Variants in ADAM12 observed in about 807,000 individuals in gnomAD.
ADAM12 encodes the protein ADAM metallopeptidase domain 12.
A neutral mutation model predicts 106.4 loss-of-function variants in ADAM12; 70 were observed. That is an observed-to-expected ratio of 0.66 (90% CI 0.54 to 0.80). The LOEUF (loss-of-function observed/expected upper bound fraction) is 0.80. Ranked by LOEUF, ADAM12 falls within the 30% of genes least tolerant of loss-of-function variation. The probability of loss-of-function intolerance (pLI) is 0.00; values close to 1 mark genes in which losing one functional copy is unlikely to be tolerated. For synonymous variants in ADAM12, 420 were observed against 433.5 expected (o/e 0.97, Z 0.39); for missense variants, 1,010 against 1,171.9 (o/e 0.86, Z 2.02).
chr10:126,377,642 G>A (rs1856341576), intron 1 of ADAM12, among the ~76,000 whole-genome samples: 1 of 152,100 alleles, frequency 6.6e-6, no homozygotes, highest in African/African-American at 2.4e-5. Flanking sequence ...ATCCAATCAA[G>A]CTTAACCATC....
At chr10:126,139,311 A>G (rs1035095663) in intron 4 of ADAM12, among the ~76,000 whole-genome samples, 4 of 151,794 alleles carry the variant, frequency 2.6e-5, no homozygotes, top group African/African-American at 9.7e-5. Flanking sequence ...AAGCTTATGT[A>G]TAGGTATTGT....
chr10:126,161,542 CG>C (rs1324832646), intron 3 of ADAM12, among the ~76,000 whole-genome samples: 1 of 152,188 alleles, frequency 6.6e-6, no homozygotes, highest in African/African-American at 2.4e-5. Context: ...CAGATGAATA[CG>C]TGAAAGAATA....
At chr10:126,194,221 T>A (rs2133808622) in intron 3 of ADAM12, among the ~76,000 whole-genome samples, 1 of 142,256 alleles carries the variant, frequency 7.0e-6, no homozygotes, top group East Asian at 2.1e-4. Context: ...CAACTAAATA[T>A]CCTCGGTGCT....
At chr10:126,205,111 G>A (rs968780754) in intron 3 of ADAM12, among the ~76,000 whole-genome samples, 1 of 152,106 alleles carries the variant, frequency 6.6e-6, no homozygotes, top group Non-Finnish European at 1.5e-5. Context: ...ATCTGTGGAT[G>A]CCAATGGCTT....
At chr10:126,350,985 A>G (rs1163669995) in intron 1 of ADAM12, among the ~76,000 whole-genome samples, 1 of 152,066 alleles carries the variant, frequency 6.6e-6, no homozygotes, top group African/African-American at 2.4e-5. Context: ...CTGGTCTTCC[A>G]TCAGTCTGGG....
chr10:126,383,880 A>G (rs1856569436), intron 1 of ADAM12, among the ~76,000 whole-genome samples: 1 of 152,228 alleles, frequency 6.6e-6, no homozygotes, highest in Non-Finnish European at 1.5e-5. Context: ...CAATGTACAT[A>G]GTTAAAAATA....
At position 126,094,109 on chromosome 10, in the gene ADAM12, C is replaced by T; in HGVS notation, c.1021G>A (p.Ala341Thr). ...VMDHSDNPLGAAVTLAHELGH... is the reference protein window; with the variant it reads ...VMDHSDNPLGTAVTLAHELGH... ...AGCTCATGTGCCAGGGTCACGGCTG[C>T]ACCAAGGGGATTGTCTGAATGGTCC... is the stretch of plus-strand genomic sequence containing the variant. The change falls in exon 11 of 23, where the codon GCA (alanine) becomes ACA (threonine). Residue 341 changes from alanine (A) to threonine (T), a missense_variant. By Grantham distance (58) the Ala-to-Thr change is moderately conservative (BLOSUM62 0). Coordinates refer to ENST00000448723, the MANE Select transcript of ADAM12 (RefSeq NM_001288973.2). The T allele has an allele frequency of 6.2e-7, 1 of 1,614,114 alleles. No homozygotes were observed. The highest frequency in any genetic ancestry group is 8.5e-7 in the Non-Finnish European group (1 of 1,180,006).
chr10:126,178,480 C>T (rs1045875150), intron 3 of ADAM12, among the ~76,000 whole-genome samples: 2 of 133,136 alleles, frequency 1.5e-5, no homozygotes, highest in African/African-American at 5.7e-5. Flanking sequence ...TGAAACATTA[C>T]ACAAATTGTC....
chr10:126,116,211 C>A lies in ADAM12; in HGVS notation c.603+1827G>T, dbSNP rs1590434708. 3.3e-5 allele frequency among the ~76,000 whole-genome samples: 5 copies of A among 152,270 alleles called. No homozygotes were observed. The South Asian group carries it at 1.0e-3, about 32-fold the overall frequency. ...AAGTGTGTACTTCTATATGAAACGA[C>A]AAACATATTTGAGTGTCATTTAAGC... On this transcript the variant is annotated intron_variant, in intron 6 of 22. Transcript: ENST00000448723.
chr10:126,249,880 G>C (rs1165740416), intron 3 of ADAM12, among the ~76,000 whole-genome samples: 1 of 152,030 alleles, frequency 6.6e-6, no homozygotes, highest in East Asian at 1.9e-4. Flanking sequence ...GCTCATTATT[G>C]GAGCACACAC....
At chr10:126,385,740 G>C (rs1490407997) in intron 1 of ADAM12, among the ~76,000 whole-genome samples, 2 of 151,968 alleles carry the variant, frequency 1.3e-5, no homozygotes, top group Admixed American at 6.6e-5. Context: ...GGTGAGCAAA[G>C]GGAGAATGGT....
chr10:126,063,397 C>T (rs887598870), intron 14 of ADAM12, among the ~76,000 whole-genome samples: 18 of 152,208 alleles, frequency 1.2e-4, no homozygotes, highest in African/African-American at 3.9e-4. Flanking sequence ...CATGCCTGGG[C>T]GTGGCTTTTA....
At chr10:126,204,628 T>C (rs28544437) in intron 3 of ADAM12, among the ~76,000 whole-genome samples, 3,698 of 152,288 alleles carry the variant, frequency 0.024, 218 homozygotes, top group East Asian at 0.19. Context: ...CAAATGAAAA[T>C]GTGGCACCTT....
chr10:126,131,759 T>G (rs1956308809), intron 5 of ADAM12, among the ~76,000 whole-genome samples: 2 of 152,240 alleles, frequency 1.3e-5, no homozygotes, highest in African/African-American at 4.8e-5. Flanking sequence ...AATAAAATTC[T>G]ATGGTTTAAG....
At chr10:126,113,747 C>G (rs1385533471) in intron 6 of ADAM12, among the ~76,000 whole-genome samples, 1 of 104,310 alleles carries the variant, frequency 9.6e-6, no homozygotes, top group Admixed American at 1.3e-4. Context: ...ATTGCTCTGG[C>G]TACTGGAAGG....
rs1181903913 is a variant in ADAM12, at chr10:126,046,094, A to C, written c.1956T>G (p.Phe652Leu). The C allele has an allele frequency of 6.2e-7, 1 of 1,614,218 alleles. No homozygotes were observed. Among genetic ancestry groups the C allele is most frequent in the Non-Finnish European group, 8.5e-7 (1 of 1,180,026 alleles). Residue 652 changes from phenylalanine (F) to leucine (L), a missense_variant, in exon 17 of 23, where the codon TTT (phenylalanine) becomes TTG (leucine). Physicochemically the swap from Phe to Leu is conservative, Grantham distance 22. Coordinates refer to ENST00000448723, the MANE Select transcript of ADAM12 (RefSeq NM_001288973.2). ...ACTGCATTGCACACTCGTGAACCCCAAAGACACTAATATTTTGACATTGAC... is the reference window on the plus strand; with the variant it reads ...ACTGCATTGCACACTCGTGAACCCCCAAGACACTAATATTTTGACATTGAC... ...LNRQCQNISV[F>L]GVHECAMQCH... is the part of the protein sequence containing the mutation.
At chr10:126,190,606 G>A (rs1035938791) in intron 3 of ADAM12, among the ~76,000 whole-genome samples, 20 of 152,160 alleles carry the variant, frequency 1.3e-4, no homozygotes, top group Non-Finnish European at 8.8e-5. Context: ...GAGGTTCAAA[G>A]TCTGGTGGGA....
chr10:126,128,826 G>A (rs574455797), intron 5 of ADAM12, among the ~76,000 whole-genome samples: 4 of 151,352 alleles, frequency 2.6e-5, no homozygotes, highest in African/African-American at 7.3e-5. Context: ...CTGCGCATGT[G>A]AGTGTGTGGT....
intron 3 of ADAM12, among the ~76,000 whole-genome samples, chr10:126,204,651 G>T (rs1957763994): frequency 6.6e-6 from 1 of 152,186 alleles, no homozygotes; most frequent in South Asian, 2.1e-4. Context: ...TTCATAAATT[G>T]TTAAGAATTT....
Sources: allele counts gnomAD v4.1 joint callset (sites outside exome capture counted in the v4.1 genomes callset), GRCh38; gene constraint gnomAD v4.1.1; transcripts MANE v1.5; gene names NCBI Gene and HGNC (gene_info 2026-07-23, HGNC 2026-07-21).